Variants in CDKL5 observed in about 807,000 individuals in gnomAD.
CDKL5 encodes cyclin-dependent kinase-like 5.
In CDKL5, 8 loss-of-function variants were observed where a neutral mutation model predicts 61.7. The observed-to-expected ratio is 0.13, with a 90% CI of 0.08 to 0.23. The LOEUF is 0.23. Ranked by LOEUF, CDKL5 falls within the 10% of genes least tolerant of loss-of-function variation. The pLI is 1.00. For synonymous variants in CDKL5, 275 were observed against 272.3 expected (o/e 1.01, Z -0.10); for missense variants, 440 against 734.5 (o/e 0.60, Z 4.63).
At chrX:18,520,233 C>T (rs1923196374) in intron 3 of CDKL5, among the ~76,000 whole-genome samples, 1 of 112,216 alleles carries the variant, frequency 8.9e-6, no homozygotes, top group African/African-American at 3.2e-5. Flanking sequence ...ACCCTGTACT[C>T]ACTATTTACC....
chrX:18,630,062 T>C lies in CDKL5; in HGVS notation c.*1305T>C. 1 of 753,374 alleles carries C rather than the reference T, an allele frequency of 1.3e-6. No individual in the cohort carries two copies. The highest frequency in any genetic ancestry group is 1.6e-6 in the Non-Finnish European group (1 of 638,488). The allele number at this position is 753,374 out of a possible 1,213,427, so 62.1% of individuals were successfully genotyped here. ...TTCTATTTCTGAATGCCTTTTTTGC[T>C]ATTGCTCTCTCCAATACCATATTTA... On this transcript the variant is annotated 3_prime_UTR_variant, in exon 18 of 18. Transcript: ENST00000623535.
chrX:18,647,338 A>G (rs757303228), intron 20 of CDKL5: 1 of 1,209,765 alleles, frequency 8.3e-7, no homozygotes, highest in South Asian at 1.8e-5. Flanking sequence ...GCATTCTGGG[A>G]AAGGAAAAAG....
intron 1 of CDKL5, among the ~76,000 whole-genome samples, chrX:18,465,081 C>T (rs752049316): frequency 8.3e-4 from 92 of 111,296 alleles, no homozygotes; most frequent in Non-Finnish European, 1.4e-3. Context: ...TGTAATCCAC[C>T]TGAAGTTAGT....
intron 1 of CDKL5, among the ~76,000 whole-genome samples, chrX:18,436,915 A>AG (rs1349598752): frequency 1.9e-5 from 2 of 107,474 alleles, no homozygotes; most frequent in Non-Finnish European, 3.8e-5. Flanking sequence ...AAAAAAAAAA[A>AG]AAAAAAAGAA....
chrX:18,584,167 ATGT>A (rs1925568339), intron 7 of CDKL5, 93 bp from the exon 8 acceptor site: 1 of 576,998 alleles, frequency 1.7e-6, no homozygotes, highest in Non-Finnish European at 3.1e-6. Context: ...CATTCTTTTG[ATGT>A]TGTTTAAAGT....
chrX:18,568,907 C>G (rs976754275), intron 4 of CDKL5, among the ~76,000 whole-genome samples: 1 of 111,136 alleles, frequency 9.0e-6, no homozygotes, highest in Non-Finnish European at 1.9e-5. Context: ...GTTGCTCAGG[C>G]TGGTCTCAAA....
intron 17 of CDKL5, among the ~76,000 whole-genome samples, chrX:18,625,749 G>A (rs1011070085): frequency 2.7e-5 from 3 of 111,792 alleles, no homozygotes; most frequent in African/African-American, 9.8e-5. Flanking sequence ...GTTGCATTAG[G>A]AACTACATAT....
At chrX:18,573,673 C>G (rs945501017) in intron 4 of CDKL5, among the ~76,000 whole-genome samples, 1 of 112,423 alleles carries the variant, frequency 8.9e-6, no homozygotes. Flanking sequence ...CACAGTTGGC[C>G]TTTCCTACTG....
At chrX:18,445,805 C>CA (rs1357671883) in intron 1 of CDKL5, among the ~76,000 whole-genome samples, 21 of 111,158 alleles carry the variant, frequency 1.9e-4, no homozygotes, top group South Asian at 7.6e-4. Flanking sequence ...GGGGTCAATT[C>CA]AACCTTTTTC....
rs184055924 is a variant in CDKL5 at position 18,481,014 on chromosome X, C to T, written c.-162-25921C>T. Among the ~76,000 whole-genome samples, 439 of 109,481 alleles carry T rather than the reference C, an allele frequency of 4.0e-3. 2 individuals carry two copies. Among genetic ancestry groups the T allele is most frequent in the African/African-American group, 0.014 (427 of 30,012 alleles). On this transcript the variant is annotated intron_variant, in intron 1 of 17. Transcript: ENST00000623535. ...CTTGGATTACAGGTGTGTGCCACCA[C>T]GCCTGGCTAAATTTTTGTATTTTTA... is the stretch of plus-strand genomic sequence containing the variant.
At chrX:18,641,851 A>T, downstream of CDKL5, 1 of 498,006 alleles carries the variant, frequency 2.0e-6, no homozygotes, top group African/African-American at 2.5e-5. Flanking sequence ...TCAGAAAGCT[A>T]TATCTTAAAA....
chrX:18,447,242 C>T (rs771890794), intron 1 of CDKL5, among the ~76,000 whole-genome samples: 4 of 111,106 alleles, frequency 3.6e-5, no homozygotes, highest in Non-Finnish European at 7.5e-5. Context: ...GTCAGTAGTG[C>T]CTGGGTTGAG....
Position 18,575,458 on chromosome X carries a change from A to C in CDKL5, c.250A>C (p.Lys84Gln). Residue 84 changes from lysine to glutamine, a missense_variant, in exon 5 of 18, where the codon AAG (lysine) becomes CAG (glutamine). Lys to Gln is a moderately conservative substitution (Grantham distance 53). Around this residue, in one of 2 missense-constraint regions of CDKL5, gnomAD observed 77 missense variants for 218.2 expected, o/e 0.35. Coordinates refer to ENST00000623535, the MANE Select transcript of CDKL5 (RefSeq NM_001323289.2). ...ELKEAFRRRG[K>Q]LYLVFEYVEK... The stretch of plus-strand genomic sequence containing the variant: ...GAAGGAAGCATTTCGTCGGAGGGGA[A>C]AGTTGTACTTGGTGTTTGAGTATGT... 2 of 1,209,993 alleles carry C rather than the reference A, an allele frequency of 1.7e-6. No homozygotes were observed. The highest frequency in any genetic ancestry group is 2.2e-6 in the Non-Finnish European group (2 of 893,915).
intron 1 of CDKL5, among the ~76,000 whole-genome samples, chrX:18,479,495 A>G (rs1391964549): frequency 1.9e-5 from 2 of 107,710 alleles, no homozygotes; most frequent in South Asian, 4.1e-4. Flanking sequence ...AATTTTTTGT[A>G]TTTTTAGTAG....
intron 1 of CDKL5, among the ~76,000 whole-genome samples, chrX:18,430,562 A>G (rs1219997270): frequency 1.8e-5 from 2 of 109,856 alleles, no homozygotes; most frequent in African/African-American, 6.6e-5. Flanking sequence ...TCCTGCCTCA[A>G]CCTCCCAAGT....
chrX:18,533,838 A>G (rs1356662681), intron 3 of CDKL5, among the ~76,000 whole-genome samples: 1 of 111,623 alleles, frequency 9.0e-6, no homozygotes, highest in African/African-American at 3.3e-5. Context: ...GTCACCACCA[A>G]AACTCACTGG....
chrX:18,580,501 TG>T (rs1322370326), intron 6 of CDKL5, among the ~76,000 whole-genome samples: 2 of 111,746 alleles, frequency 1.8e-5, no homozygotes, highest in African/African-American at 6.5e-5. Flanking sequence ...AAGTGCCCGT[TG>T]TCTGCAGTTG....
chrX:18,549,453 T>C (rs1441706278), intron 3 of CDKL5, among the ~76,000 whole-genome samples: 1 of 112,419 alleles, frequency 8.9e-6, no homozygotes, highest in Non-Finnish European at 1.9e-5. Context: ...TAAACTTTGT[T>C]TTTTATTCTG....
intron 3 of CDKL5, among the ~76,000 whole-genome samples, chrX:18,562,278 A>G (rs1251515717): frequency 8.9e-6 from 1 of 111,801 alleles, no homozygotes; most frequent in African/African-American, 3.2e-5. Context: ...TTTAACATTC[A>G]TACCCTTTGA....
Sources: allele counts gnomAD v4.1 joint callset (sites outside exome capture counted in the v4.1 genomes callset), GRCh38; gene constraint gnomAD v4.1.1; regional missense constraint gnomAD v4.1.1; transcripts MANE v1.5; gene names NCBI Gene and HGNC (gene_info 2026-07-23, HGNC 2026-07-21).